PCDH11X: variants seen among roughly 807,000 people sequenced by gnomAD.
PCDH11X encodes protocadherin-11 X-linked.
PCDH11X carries 18 observed loss-of-function variants against 53.3 expected under a neutral mutation model. The observed-to-expected ratio is 0.34, with a 90% CI of 0.23 to 0.50. PCDH11X has a LOEUF of 0.50. Ranked by LOEUF, PCDH11X falls within the 20% of genes least tolerant of loss-of-function variation. The pLI, the probability that PCDH11X is intolerant of heterozygous loss-of-function variation, is 0.98. For missense variants in PCDH11X, 570 were observed against 1,032.4 expected (o/e 0.55, Z 6.14); for synonymous variants, 279 against 393.3 (o/e 0.71, Z 3.44).
In PCDH11X at chrX:92,387,944, C is replaced by G. The variant is rs777366245; in HGVS notation, c.3343+11C>G. On this transcript the variant is annotated intron_variant, in intron 9 of 10. Coordinates refer to ENST00000682573, the MANE Select transcript of PCDH11X (RefSeq NM_032968.5). ...CCGATCCTGAATCTAGTAAGTGATA[C>G]CTCTCTGGTTCCTCAATATAAACGG... The G allele has an allele frequency of 8.3e-7, 1 of 1,202,608 alleles. No homozygotes were observed. Among genetic ancestry groups the G allele is most frequent in the East Asian group, 3.0e-5 (1 of 33,659 alleles).
At position 91,815,491 on chromosome X, in the gene PCDH11X, T is replaced by G. The variant is rs1360363692; in HGVS notation, c.-45+4196T>G. Among the ~76,000 whole-genome samples the G allele has an allele frequency of 6.3e-5, 7 of 111,828 alleles. No homozygotes were observed. The Admixed American group carries it at 6.7e-4, about 11-fold the overall frequency. ...TGTATGAAAAAATTTTTCATTTATT[T>G]TTAAAACTAGAAAATCAAACCGAAA... On this transcript the variant is annotated intron_variant, in intron 4 of 10. Transcript: ENST00000682573.
chrX:92,270,785 A>G (rs985819736), intron 8 of PCDH11X, among the ~76,000 whole-genome samples: 8 of 112,283 alleles, frequency 7.1e-5, no homozygotes, highest in Admixed American at 5.7e-4. Context: ...GTAGCTATCT[A>G]TGGAGCTATT....
intron 6 of PCDH11X, among the ~76,000 whole-genome samples, chrX:92,170,307 T>C (rs1299151564): frequency 9.0e-6 from 1 of 110,584 alleles, no homozygotes; most frequent in Non-Finnish European, 1.9e-5. Flanking sequence ...CATCTATGCT[T>C]GTCTGGCCAA....
At chrX:92,278,045 C>T (rs966649273) in intron 8 of PCDH11X, among the ~76,000 whole-genome samples, 1 of 110,979 alleles carries the variant, frequency 9.0e-6, no homozygotes, top group Non-Finnish European at 1.9e-5. Flanking sequence ...CCGTGACCAG[C>T]GCTGGAGTTT....
At chrX:92,014,097 G>A (rs1392380468) in intron 6 of PCDH11X, among the ~76,000 whole-genome samples, 4 of 110,892 alleles carry the variant, frequency 3.6e-5, no homozygotes, top group African/African-American at 9.8e-5. Flanking sequence ...TGAACAGGCA[G>A]CCTACAGAAT....
chrX:92,026,215 A>G (rs756146504), intron 6 of PCDH11X, among the ~76,000 whole-genome samples: 1 of 110,824 alleles, frequency 9.0e-6, no homozygotes, highest in African/African-American at 3.3e-5. Context: ...AAAAAATCAA[A>G]AGAAGGACAA....
intron 6 of PCDH11X, among the ~76,000 whole-genome samples, chrX:91,968,934 G>A (rs1426659120): frequency 9.0e-6 from 1 of 111,445 alleles, no homozygotes; most frequent in Non-Finnish European, 1.9e-5. Flanking sequence ...AAAAAGGCAC[G>A]TCTTAATTTC....
chrX:92,500,326 T>A (rs947875793), intron 10 of PCDH11X, among the ~76,000 whole-genome samples: 1 of 111,784 alleles, frequency 8.9e-6, no homozygotes, highest in East Asian at 2.8e-4. Context: ...TGATTTCTCC[T>A]ACCTTTTTTA....
intron 6 of PCDH11X, among the ~76,000 whole-genome samples, chrX:92,132,639 A>ATATATATATATATG (rs2065005218): frequency 8.0e-5 from 5 of 62,244 alleles, no homozygotes; most frequent in African/African-American, 2.7e-4. Flanking sequence ...ATATATGTAT[A>ATATATATATATATG]TATATATATA....
At chrX:92,283,456 A>T (rs952593726) in intron 8 of PCDH11X, among the ~76,000 whole-genome samples, 1 of 111,560 alleles carries the variant, frequency 9.0e-6, no homozygotes, top group Non-Finnish European at 1.9e-5. Flanking sequence ...ATCACAATGG[A>T]AGATTTTCTT....
chrX:92,294,162 A>G (rs2068559167), intron 8 of PCDH11X, among the ~76,000 whole-genome samples: 1 of 109,290 alleles, frequency 9.1e-6, no homozygotes, highest in East Asian at 2.9e-4. Context: ...TTATTTTGAG[A>G]TGGTGTTTTG....
chrX:91,895,548 TATC>T (rs1302948150), intron 6 of PCDH11X, among the ~76,000 whole-genome samples: 1 of 110,612 alleles, frequency 9.0e-6, no homozygotes. Context: ...TTGCACAAGT[TATC>T]ATTTCTGAAG....
chrX:92,325,076 G>A (rs1247447902), intron 8 of PCDH11X, among the ~76,000 whole-genome samples: 1 of 111,790 alleles, frequency 8.9e-6, no homozygotes, highest in Non-Finnish European at 1.9e-5. Context: ...AGGCACCTAA[G>A]TTGACTCTGT....
chrX:92,329,813 T>C (rs1460476752), intron 8 of PCDH11X, among the ~76,000 whole-genome samples: 1 of 111,412 alleles, frequency 9.0e-6, no homozygotes, highest in Non-Finnish European at 1.9e-5. Flanking sequence ...AGTAGAATTA[T>C]GTCTACCAGA....
chrX:92,448,853 G>T (rs2072716771), intron 9 of PCDH11X, among the ~76,000 whole-genome samples: 2 of 111,482 alleles, frequency 1.8e-5, no homozygotes, highest in African/African-American at 6.5e-5. Context: ...TTTATTGTTT[G>T]CTAGCTGGCA....
intron 6 of PCDH11X, among the ~76,000 whole-genome samples, chrX:92,073,507 G>C (rs759393310): frequency 2.4e-4 from 27 of 112,445 alleles, no homozygotes; most frequent in Middle Eastern, 4.6e-3. Flanking sequence ...AAAGCTAACT[G>C]GTAAAAGGAG....
At chrX:92,395,567 C>T (rs895720413) in intron 9 of PCDH11X, among the ~76,000 whole-genome samples, 22 of 110,626 alleles carry the variant, frequency 2.0e-4, no homozygotes, top group Non-Finnish European at 3.8e-4. Context: ...ATCTCTAGTG[C>T]CCCTTCTAGG....
chrX:92,086,440 C>T (rs62605346), intron 6 of PCDH11X, among the ~76,000 whole-genome samples: 6,014 of 110,557 alleles, frequency 0.054, 236 homozygotes, highest in East Asian at 0.25. Context: ...CTTCTCCTCA[C>T]GTCTTTGAAG....
chrX:92,236,873 C>A (rs973351239), intron 7 of PCDH11X, among the ~76,000 whole-genome samples: 2 of 111,568 alleles, frequency 1.8e-5, no homozygotes, highest in African/African-American at 6.5e-5. Flanking sequence ...CAATGAGATG[C>A]CGACTTAGAC....
Sources: allele counts gnomAD v4.1 joint callset (sites outside exome capture counted in the v4.1 genomes callset), GRCh38; gene constraint gnomAD v4.1.1; transcripts MANE v1.5; gene names NCBI Gene and HGNC (gene_info 2026-07-23, HGNC 2026-07-21).